The following TMEM117 variants were observed in gnomAD, a reference collection of about 807,000 sequenced individuals.
The protein encoded by TMEM117 is transmembrane protein 117.
Under a neutral mutation model 52.4 loss-of-function variants are expected in TMEM117, and 27 were observed. The ratio of observed to expected loss-of-function variants is 0.51; its 90% confidence interval spans 0.38 to 0.71. The LOEUF is 0.71. Among genes scored for constraint, TMEM117 ranks in the 30% least tolerant of loss-of-function variants. The probability of loss-of-function intolerance (pLI) is 0.00; values close to 1 mark genes in which losing one functional copy is unlikely to be tolerated. For synonymous variants in TMEM117, 215 were observed against 206.3 expected (o/e 1.04, Z -0.36); for missense variants, 556 against 630.5 (o/e 0.88, Z 1.26).
intron 5 of TMEM117, among the ~76,000 whole-genome samples, chr12:44,225,884 A>G (rs1314901661): frequency 1.3e-5 from 2 of 152,176 alleles, no homozygotes; most frequent in Non-Finnish European, 1.5e-5. Context: ...GAGACTCTCT[A>G]CTAAGACTGG....
intron 3 of TMEM117, among the ~76,000 whole-genome samples, chr12:44,049,976 G>A (rs549819141): frequency 7.2e-5 from 11 of 152,314 alleles, no homozygotes; most frequent in African/African-American, 2.4e-4. Context: ...GCTAGCTGCA[G>A]TTAGTGTTTG....
intron 3 of TMEM117, chr12:44,073,467 G>A (rs1232326578): frequency 6.6e-6 from 1 of 152,044 alleles, no homozygotes. Flanking sequence ...AAAGCATTTG[G>A]CATACATTTA....
chr12:44,041,417 C>T (rs1946796880), intron 3 of TMEM117, among the ~76,000 whole-genome samples: 1 of 152,036 alleles, frequency 6.6e-6, no homozygotes, highest in African/African-American at 2.4e-5. Flanking sequence ...GCAATGTTCT[C>T]TGACCACAAT....
rs554349076 is a variant in TMEM117, at chr12:44,244,028, A to G, written c.608+32641A>G. Among the ~76,000 whole-genome samples, 5 of 152,062 alleles carry G rather than the reference A, an allele frequency of 3.3e-5. No homozygotes were observed. The East Asian group carries it at 5.8e-4, about 18-fold the overall frequency. Reference sequence around the variant, plus strand: ...ATTTCCTTTATCCTTTCATCCATCGATGGGCACTTAGGTTGATTTCATATC... The same window carrying G: ...ATTTCCTTTATCCTTTCATCCATCGGTGGGCACTTAGGTTGATTTCATATC... On this transcript the variant is annotated intron_variant, in intron 5 of 7. Transcript: ENST00000266534.
chr12:44,313,069 T>C (rs1951011776), intron 6 of TMEM117, among the ~76,000 whole-genome samples: 1 of 152,220 alleles, frequency 6.6e-6, no homozygotes, highest in Non-Finnish European at 1.5e-5. Flanking sequence ...AGCTGTCTGT[T>C]TACTCTGCTT....
chr12:44,393,731 A>C (rs1408011966), downstream of TMEM117, among the ~76,000 whole-genome samples: 1 of 152,230 alleles, frequency 6.6e-6, no homozygotes, highest in Non-Finnish European at 1.5e-5. Context: ...TTACCGCTCA[A>C]GAATCTAAGT....
intron 3 of TMEM117, among the ~76,000 whole-genome samples, chr12:43,948,169 GT>G (rs1945163869): frequency 6.6e-6 from 1 of 152,028 alleles, no homozygotes; most frequent in Admixed American, 6.6e-5. Context: ...AGGTAAGTTA[GT>G]TGGTTGAGCT....
intron 3 of TMEM117, among the ~76,000 whole-genome samples, chr12:44,082,544 A>G (rs1489167344): frequency 1.3e-5 from 2 of 152,056 alleles, no homozygotes; most frequent in African/African-American, 4.8e-5. Context: ...TGATTGATCG[A>G]TAAAATAGAA....
At chr12:44,045,622 A>G (rs982793474) in intron 3 of TMEM117, among the ~76,000 whole-genome samples, 9 of 152,056 alleles carry the variant, frequency 5.9e-5, no homozygotes, top group Non-Finnish European at 1.3e-4. Flanking sequence ...AGGCGGTTGG[A>G]TCACGAGGTC....
At chr12:44,392,782 A>T (rs1952167444), downstream of TMEM117, among the ~76,000 whole-genome samples, 1 of 150,002 alleles carries the variant, frequency 6.7e-6, no homozygotes, top group Non-Finnish European at 1.5e-5. Flanking sequence ...CTTCTTAAAC[A>T]TTCTAGCATT....
chr12:44,094,909 A>G (rs1193635599), intron 3 of TMEM117, among the ~76,000 whole-genome samples: 7 of 152,132 alleles, frequency 4.6e-5, no homozygotes, highest in Non-Finnish European at 1.0e-4. Context: ...ACTAGTAAAT[A>G]TTATTTGTCT....
intron 2 of TMEM117, among the ~76,000 whole-genome samples, chr12:43,912,507 TTATATATATATATA>T (rs56170922): frequency 0.77 from 102,307 of 132,280 alleles, 41,058 homozygotes; most frequent in East Asian, 0.9. Flanking sequence ...TAATAATAAT[TTATATATATATATA>T]TATATATATA....
At chr12:44,332,449 C>T (rs766783216) in intron 6 of TMEM117, among the ~76,000 whole-genome samples, 6 of 151,954 alleles carry the variant, frequency 3.9e-5, no homozygotes, top group African/African-American at 4.8e-5. Context: ...TTATTTAAGC[C>T]TACCTTTGAA....
At chr12:44,130,612 A>C (rs1451830861) in intron 3 of TMEM117, among the ~76,000 whole-genome samples, 1 of 152,110 alleles carries the variant, frequency 6.6e-6, no homozygotes, top group Non-Finnish European at 1.5e-5. Flanking sequence ...AACAGTCTCC[A>C]TTGTAGGACT....
At chr12:44,028,086 G>A (rs1470620942) in intron 3 of TMEM117, among the ~76,000 whole-genome samples, 6 of 152,138 alleles carry the variant, frequency 3.9e-5, no homozygotes, top group Non-Finnish European at 7.4e-5. Context: ...CCAGCTACTC[G>A]GGAGGCTGAG....
chr12:43,932,837 C>A (rs957593035), intron 2 of TMEM117, among the ~76,000 whole-genome samples: 1 of 152,158 alleles, frequency 6.6e-6, no homozygotes, highest in Non-Finnish European at 1.5e-5. Flanking sequence ...GTACAAGACA[C>A]CAGTCTGAAA....
chr12:44,044,103 C>T lies in TMEM117; in HGVS notation c.411-99422C>T, dbSNP rs11182399. On this transcript the variant is annotated intron_variant, in intron 3 of 7. Coordinates refer to ENST00000266534, the MANE Select transcript of TMEM117 (RefSeq NM_032256.3). ...GTGGATTAATCACTTTAAACGTACT[C>T]ATCCCAGCTGGGAAGGTCCAGAAGA... is the stretch of plus-strand genomic sequence containing the variant. Among the ~76,000 whole-genome samples the T allele has an allele frequency of 1.4e-3, 215 of 152,342 alleles. 3 individuals carry two copies. In the East Asian group the frequency reaches 0.025, roughly 18 times the overall value.
the TMEM117 span, chr12:43,804,598 A>C: frequency 2.0e-6 from 3 of 1,466,212 alleles, no homozygotes; most frequent in African/African-American, 4.3e-5. Flanking sequence ...AAGAAAGTAA[A>C]CTTTTTATAC....
intron 2 of TMEM117, among the ~76,000 whole-genome samples, chr12:43,888,912 A>G (rs1050279047): frequency 2.0e-5 from 3 of 152,070 alleles, no homozygotes; most frequent in Admixed American, 2.0e-4. Flanking sequence ...TAAATCATGA[A>G]GAAACTGAGG....
Sources: gnomAD v4.1 joint callset for allele counts (sites outside exome capture counted in the v4.1 genomes callset) on GRCh38, gnomAD v4.1.1 for gene constraint, MANE v1.5 for transcripts, NCBI Gene and HGNC (gene_info 2026-07-23, HGNC 2026-07-21) for gene names.